ILK: variants seen among roughly 807,000 people sequenced by gnomAD.
ILK encodes the protein integrin linked kinase, also known as scaffold protein ILK.
A neutral mutation model predicts 57.8 loss-of-function variants in ILK; 37 were observed. The ratio of observed to expected loss-of-function variants is 0.64; its 90% confidence interval spans 0.49 to 0.84. The LOEUF (loss-of-function observed/expected upper bound fraction) is 0.84. ILK is among the 40% of genes least tolerant of loss of function. The pLI, the probability that ILK is intolerant of heterozygous loss-of-function variation, is 0.00. For missense variants in ILK, 528 were observed against 595.7 expected, an observed-to-expected ratio of 0.89 and a Z score of 1.18; for synonymous variants, 231 against 202.2, an observed-to-expected ratio of 1.14 and a Z score of -1.21.
At chr11:6,604,700 G>A (rs71472603) in intron 2 of ILK, 31,639 of 471,776 alleles carry the variant, frequency 0.067, 1,257 homozygotes, top group Non-Finnish European at 0.084. Flanking sequence ...TCGGAGCATT[G>A]GGTACAAGAG....
intron 12 of ILK, 83 bp from the exon 13 acceptor site, chr11:6,610,379 A>T (rs533161374): frequency 6.2e-7 from 1 of 1,613,126 alleles, no homozygotes; most frequent in African/African-American, 1.3e-5. Context: ...TCGGATATAC[A>T]GTAATCCTGT....
At position 6,609,591 on chromosome 11, in the gene ILK, C is replaced by T; in HGVS notation, c.808C>T (p.His270Tyr). The change falls in exon 9 of 13, where the codon CAC becomes TAC. Residue 270 changes from histidine to tyrosine, a missense_variant. His to Tyr is a moderately conservative substitution (Grantham distance 83, BLOSUM62 2). Coordinates refer to ENST00000299421, the MANE Select transcript of ILK (RefSeq NM_004517.4). ...PPAPHPTLIT[H>Y]WMPYGSLYNV... is the part of the protein sequence containing the mutation. ...TGCTCCTCATCCTACTCTCATCACACACTGGATGCCGTATGGATCCCTCTA... is the reference window on the plus strand; with the variant it reads ...TGCTCCTCATCCTACTCTCATCACATACTGGATGCCGTATGGATCCCTCTA... The T allele has an allele frequency of 1.2e-6, 2 of 1,614,182 alleles. No individual in the cohort carries two copies. Among genetic ancestry groups the T allele is most frequent in the Non-Finnish European group, 1.7e-6 (2 of 1,180,006 alleles).
At position 6,604,344 on chromosome 11, in the gene ILK, A is replaced by G. The variant is rs763787925; in HGVS notation, c.73A>G (p.Asn25Asp). 3 of 1,610,308 alleles carry G rather than the reference A, an allele frequency of 1.9e-6. No individual in the cohort carries two copies. The South Asian group carries it at 3.3e-5, about 18-fold the overall frequency. ...AVRLWLDNTE[N>D]DLNQGDDHGF... is the part of the protein sequence containing the mutation. ...TCGCCTGTGGCTGGACAACACGGAG[A>G]ACGACCTCAACCAGGGGTGAGCTGA... The change falls in exon 2 of 13, where the codon AAC (asparagine) becomes GAC (aspartate). Residue 25 changes from asparagine to aspartate, a missense_variant. Asn to Asp is a conservative substitution (Grantham distance 23). Coordinates refer to ENST00000299421, the MANE Select transcript of ILK (RefSeq NM_004517.4).
chr11:6,608,711 G>A lies in ILK; in HGVS notation c.369G>A (p.Gly123=). The change falls in exon 5 of 13, where the codon GGG becomes GGA. Residue 123 remains glycine (G), a synonymous_variant. Transcript: ENST00000299421. This position sits in a 1 kb window ranked among gnomAD's most constrained non-coding sequence, Gnocchi z 4.9. ...CATTCCAGGACCTGGTGGCAAATGG[G>A]GCCCTTGTCAGCATCTGTAACAAGT... ...DQVAEDLVAN[G]ALVSICNKYG... is the part of the protein sequence containing the mutation. The A allele has an allele frequency of 6.2e-7, 1 of 1,613,988 alleles. No homozygotes were observed. Among genetic ancestry groups the A allele is most frequent in the Non-Finnish European group, 8.5e-7 (1 of 1,179,882 alleles).
intron 11 of ILK, 43 bp downstream of exon 11, chr11:6,610,078 CAGA>C (rs760605987): frequency 1.9e-6 from 3 of 1,614,092 alleles, no homozygotes; most frequent in Admixed American, 3.3e-5. Flanking sequence ...AGGACCACCT[CAGA>C]AGTAGTGGAA....
chr11:6,610,790 G>A lies in ILK; in HGVS notation c.*179G>A. On this transcript the variant is annotated 3_prime_UTR_variant, in exon 13 of 13. Transcript: ENST00000299421. Reference sequence around the variant, plus strand: ...TGTGGCCCCAAGAGGGGCGGGCTCAGAGCTTTGTCACTTGCCACATGGTGT... The same window carrying A: ...TGTGGCCCCAAGAGGGGCGGGCTCAAAGCTTTGTCACTTGCCACATGGTGT... 7.4e-7 allele frequency: 1 copy of A among 1,350,566 alleles called. No individual in the cohort carries two copies. The highest frequency in any genetic ancestry group is 1.0e-6 in the Non-Finnish European group (1 of 955,560). 83.7% of individuals were successfully genotyped at this position (1,350,566 alleles called of 1,614,324 possible).
chr11:6,610,434 G>T (rs776656271), intron 12 of ILK, 28 bp from the exon 13 acceptor site: 1 of 1,614,066 alleles, frequency 6.2e-7, no homozygotes, highest in Admixed American at 1.7e-5. Flanking sequence ...CTCAAATTGT[G>T]AGGCTGCTTT....
Position 6,608,351 on chromosome 11 carries a change from C to T in ILK, c.256-43C>T, listed in dbSNP as rs1423081322. On this transcript the variant is annotated intron_variant, in intron 3 of 12. Coordinates refer to ENST00000299421, the MANE Select transcript of ILK (RefSeq NM_004517.4). This position sits in a 1 kb window ranked among gnomAD's most constrained non-coding sequence, Gnocchi z 4.9. ...ACACCAGTATCTCATTTGGAACTGA[C>T]TGTACTTTCTGCCTCTTCTTTTTGT... is the stretch of plus-strand genomic sequence containing the variant. 1 of 1,591,292 alleles carries T rather than the reference C, an allele frequency of 6.3e-7. No homozygotes were observed. Among genetic ancestry groups the T allele is most frequent in the South Asian group, 1.1e-5 (1 of 90,636 alleles).
intron 11 of ILK, 53 bp downstream of exon 11, chr11:6,610,088 G>A: frequency 6.2e-7 from 1 of 1,614,140 alleles, no homozygotes. Context: ...CAGAAGTAGT[G>A]GAAGGGGGCA....
chr11:6,604,743 C>T (rs1854663013), intron 2 of ILK: 2 of 476,968 alleles, frequency 4.2e-6, no homozygotes, highest in African/African-American at 3.9e-5. Context: ...GTAGAGGTCT[C>T]CAAGGATCAG....
At position 6,609,390 on chromosome 11, in the gene ILK, AAG is replaced by A; in HGVS notation, c.713_714del (p.Glu238ValfsTer45). 1 of 1,614,048 alleles carries A rather than the reference AAG, an allele frequency of 6.2e-7. No individual in the cohort carries two copies. Among genetic ancestry groups the A allele is most frequent in the Non-Finnish European group, 8.5e-7 (1 of 1,179,996 alleles). On this transcript the variant is annotated frameshift_variant, in exon 8 of 13. Transcript: ENST00000299421. LOFTEE classifies it high-confidence loss of function. ...ACAAGGAAGAGCAGGGACTTCAATG[AAG>A]AGTGTCCCCGGCTCAGGTAGTGCAA...
In ILK at chr11:6,608,921, T is replaced by G. The variant is rs1441174976; in HGVS notation, c.486T>G (p.Ile162Met). The change falls in exon 6 of 13, where the codon ATT becomes ATG. Residue 162 changes from isoleucine to methionine, a missense_variant. Physicochemically the swap from Ile to Met is conservative, Grantham distance 10 (BLOSUM62 1). Coordinates refer to ENST00000299421, the MANE Select transcript of ILK (RefSeq NM_004517.4). This position sits in a 1 kb window ranked among gnomAD's most constrained non-coding sequence, Gnocchi z 4.9. The stretch of plus-strand genomic sequence containing the variant: ...AGATGGGCCAGAATCTCAACCGTAT[T>G]CCATACAAGGACACATTCTGGAAGG... ...AEKMGQNLNRIPYKDTFWKGT... is the reference protein window; with the variant it reads ...AEKMGQNLNRMPYKDTFWKGT... 6 of 1,614,012 alleles carry G rather than the reference T, an allele frequency of 3.7e-6. No homozygotes were observed. In the South Asian group the frequency reaches 5.5e-5, roughly 15 times the overall value.
chr11:6,606,303 CAA>C (rs1332684255), intron 2 of ILK: 1 of 152,188 alleles, frequency 6.6e-6, no homozygotes, highest in Non-Finnish European at 1.5e-5. Context: ...GTGGCAAAAT[CAA>C]ATTCTTTATT....
Position 6,610,688 on chromosome 11 carries a change from C to T in ILK, c.*77C>T. ...AATGCACCTCCCCAAAGCAGCAGGC[C>T]TCTGGTTGCCTCCCCCGCCTCCAGT... On this transcript the variant is annotated 3_prime_UTR_variant, in exon 13 of 13. Transcript: ENST00000299421. 3.8e-6 allele frequency: 6 copies of T among 1,561,730 alleles called. No individual in the cohort carries two copies. In the South Asian group the frequency reaches 6.7e-5, roughly 18 times the overall value.
Position 6,610,285 on chromosome 11 carries a change from G to A in ILK, c.1209+7G>A, listed in dbSNP as rs1274070497. On this transcript the variant is annotated splice_region_variant and intron_variant, in intron 12 of 12. Transcript: ENST00000299421. The stretch of plus-strand genomic sequence containing the variant: ...TATGGAGATTGGAATGAAGGTGAGA[G>A]CACAACAGCATACATTTGTGTTGCG... The A allele has an allele frequency of 1.2e-6, 2 of 1,614,160 alleles. No homozygotes were observed. Among genetic ancestry groups the A allele is most frequent in the East Asian group, 2.2e-5 (1 of 44,880 alleles).
chr11:6,603,789 T>C lies in ILK; in HGVS notation c.-126T>C, dbSNP rs965059752. The C allele has an allele frequency of 2.8e-6, 1 of 360,130 alleles. No homozygotes were observed. The highest frequency in any genetic ancestry group is 5.2e-5 in the South Asian group (1 of 19,384). 22.3% of individuals were successfully genotyped at this position (360,130 alleles called of 1,614,324 possible). Reference sequence around the variant, plus strand: ...GGCTGCGGGCGCGGCCGGACGGGAGTTCCCCGGAGAAGGATCCTGCAGCCC... The same window carrying C: ...GGCTGCGGGCGCGGCCGGACGGGAGCTCCCCGGAGAAGGATCCTGCAGCCC... On this transcript the variant is annotated 5_prime_UTR_variant, in exon 1 of 13. Coordinates refer to ENST00000299421, the MANE Select transcript of ILK (RefSeq NM_004517.4).
chr11:6,604,374 G>T lies in ILK; in HGVS notation c.89+14G>T. On this transcript the variant is annotated intron_variant, in intron 2 of 12. Transcript: ENST00000299421. ...CCTCAACCAGGGGTGAGCTGAAACG[G>T]TTGGTGGATGAGAGGAAGGCTAGAG... is the stretch of plus-strand genomic sequence containing the variant. The T allele has an allele frequency of 6.3e-7, 1 of 1,594,092 alleles. No individual in the cohort carries two copies. The highest frequency in any genetic ancestry group is 2.3e-5 in the East Asian group (1 of 43,822).
intron 1 of ILK, 82 bp from the exon 2 acceptor site, chr11:6,604,098 C>A (rs1854574705): frequency 1.5e-6 from 1 of 669,580 alleles, no homozygotes; most frequent in South Asian, 1.7e-5. Flanking sequence ...ATCCCGCAGC[C>A]CCGAACTCCT....
Position 6,604,337 on chromosome 11 carries a change from C to T in ILK, c.66C>T (p.Asn22=). The change falls in exon 2 of 13, where the codon AAC becomes AAT. Residue 22 remains asparagine (N), a synonymous_variant. Coordinates refer to ENST00000299421, the MANE Select transcript of ILK (RefSeq NM_004517.4). ...TCGCCGTTCGCCTGTGGCTGGACAA[C>T]ACGGAGAACGACCTCAACCAGGGGT... The part of the protein sequence containing the change: ...NAVAVRLWLD[N]TENDLNQGDD... 6.2e-7 allele frequency: 1 copy of T among 1,611,586 alleles called. No homozygotes were observed. Among genetic ancestry groups the T allele is most frequent in the Non-Finnish European group, 8.5e-7 (1 of 1,179,038 alleles).
Sources: allele counts gnomAD v4.1 joint callset, GRCh38; gene constraint gnomAD v4.1.1; non-coding constraint Gnocchi (gnomAD v3.1); transcripts MANE v1.5; gene names NCBI Gene and HGNC (gene_info 2026-07-23, HGNC 2026-07-21).